ABCC1: variants seen among roughly 807,000 people sequenced by gnomAD.
ABCC1 encodes the protein multidrug resistance-associated protein 1.
Under a neutral mutation model 172.9 loss-of-function variants are expected in ABCC1, and 83 were observed. The observed-to-expected ratio is 0.48, with a 90% confidence interval of 0.40 to 0.58. The LOEUF (loss-of-function observed/expected upper bound fraction) is 0.58. Ranked by LOEUF, ABCC1 falls within the 20% of genes least tolerant of loss-of-function variation. The pLI is 0.00. For synonymous variants in ABCC1, 937 were observed against 825.2 expected, an observed-to-expected ratio of 1.14 and a Z score of -2.32; for missense variants, 1,817 against 2,002.7, an observed-to-expected ratio of 0.91 and a Z score of 1.77.
intron 20 of ABCC1, chr16:16,106,439 C>A: frequency 4.8e-5 from 8 of 167,486 alleles, no homozygotes; most frequent in Non-Finnish European, 5.8e-5. Context: ...AAAGCACGCA[C>A]TTTTTATATA....
chr16:16,057,514 A>G (rs2151919103), intron 12 of ABCC1, among the ~76,000 whole-genome samples: 1 of 151,784 alleles, frequency 6.6e-6, no homozygotes, highest in South Asian at 2.1e-4. Context: ...GCAGGTGCTG[A>G]ACAAATATTG....
intron 1 of ABCC1, among the ~76,000 whole-genome samples, chr16:15,993,150 C>T (rs1001398834): frequency 6.6e-6 from 1 of 152,162 alleles, no homozygotes; most frequent in South Asian, 2.1e-4. Context: ...ACAGAGATAT[C>T]GTTTCTGATT....
chr16:15,997,372 T>G (rs2151662005), intron 1 of ABCC1, among the ~76,000 whole-genome samples: 1 of 152,292 alleles, frequency 6.6e-6, no homozygotes, highest in East Asian at 1.9e-4. Context: ...ATTATAGGCG[T>G]GAGCCACCGC....
chr16:16,033,471 TA>T (rs2048628602), intron 6 of ABCC1, among the ~76,000 whole-genome samples: 1 of 152,208 alleles, frequency 6.6e-6, no homozygotes, highest in South Asian at 2.1e-4. Context: ...TTTGGGTTTT[TA>T]AAATATTAGG....
At chr16:16,111,671 G>T in intron 22 of ABCC1, 89 bp downstream of exon 22, 1 of 1,263,230 alleles carries the variant, frequency 7.9e-7, no homozygotes, top group Non-Finnish European at 1.1e-6. Flanking sequence ...AGTCCTCAGC[G>T]TTTTGTGGGA....
chr16:16,129,386 C>T (rs373401238), intron 26 of ABCC1, among the ~76,000 whole-genome samples: 2 of 152,038 alleles, frequency 1.3e-5, no homozygotes, highest in African/African-American at 4.8e-5. Context: ...CGGTGGCTCA[C>T]GCCTGTAATC....
intron 1 of ABCC1, among the ~76,000 whole-genome samples, chr16:15,971,485 A>G (rs1293321836): frequency 6.6e-6 from 1 of 152,186 alleles, no homozygotes; most frequent in East Asian, 1.9e-4. Context: ...TTTAAAAACC[A>G]AACATTTCCC....
chr16:16,024,784 G>T (rs2048315042), intron 5 of ABCC1, among the ~76,000 whole-genome samples: 1 of 152,284 alleles, frequency 6.6e-6, no homozygotes, highest in East Asian at 1.9e-4. Flanking sequence ...CATTGGACAT[G>T]GGGGTGAGGT....
chr16:16,041,978 T>G (rs2048994042), intron 7 of ABCC1, among the ~76,000 whole-genome samples: 1 of 152,056 alleles, frequency 6.6e-6, no homozygotes, highest in African/African-American at 2.4e-5. Context: ...TCACCTGTAA[T>G]CCAGCTACAG....
At chr16:15,967,360 C>T (rs2046266128) in intron 1 of ABCC1, among the ~76,000 whole-genome samples, 1 of 151,932 alleles carries the variant, frequency 6.6e-6, no homozygotes, top group African/African-American at 2.4e-5. Context: ...CTGGGTGAGT[C>T]TCTTGGACAA....
At chr16:16,027,036 G>T (rs1218038816) in intron 5 of ABCC1, among the ~76,000 whole-genome samples, 1 of 152,148 alleles carries the variant, frequency 6.6e-6, no homozygotes, top group African/African-American at 2.4e-5. Flanking sequence ...GGGAAGGTTA[G>T]GATTTGAGGG....
At chr16:16,025,648 GT>G (rs1424698858) in intron 5 of ABCC1, among the ~76,000 whole-genome samples, 2 of 152,152 alleles carry the variant, frequency 1.3e-5, no homozygotes, top group Admixed American at 1.3e-4. Context: ...CCCAGACAAG[GT>G]CCTTAAACTA....
chr16:16,033,048 G>C, intron 5 of ABCC1, 61 bp from the exon 6 acceptor site: 1 of 1,542,948 alleles, frequency 6.5e-7, no homozygotes, highest in Non-Finnish European at 9.0e-7. Context: ...CTCTGACCTG[G>C]ATGAAAAGTC....
intron 1 of ABCC1, among the ~76,000 whole-genome samples, chr16:15,986,392 G>A (rs2046744959): frequency 6.6e-6 from 1 of 152,190 alleles, no homozygotes; most frequent in Non-Finnish European, 1.5e-5. Context: ...TAGGAACTGA[G>A]TCATGCAACA....
chr16:16,059,469 A>G (rs141003474), intron 12 of ABCC1, among the ~76,000 whole-genome samples: 1 of 152,114 alleles, frequency 6.6e-6, no homozygotes, highest in East Asian at 1.9e-4. Flanking sequence ...TAGAATTTGC[A>G]TGTGTCATGT....
At chr16:16,077,301 T>A (rs2050613469) in intron 15 of ABCC1, among the ~76,000 whole-genome samples, 1 of 152,216 alleles carries the variant, frequency 6.6e-6, no homozygotes, top group Non-Finnish European at 1.5e-5. Context: ...GTAGAAGGCC[T>A]GCATTGAAAA....
intron 1 of ABCC1, among the ~76,000 whole-genome samples, chr16:16,000,292 G>A (rs780733809): frequency 2.6e-5 from 4 of 151,404 alleles, no homozygotes; most frequent in Admixed American, 6.6e-5. Context: ...GATTATAGGC[G>A]AGTTCACCAT....
intron 27 of ABCC1, among the ~76,000 whole-genome samples, chr16:16,132,595 C>T (rs2045745968): frequency 7.4e-6 from 1 of 134,246 alleles, no homozygotes; most frequent in Non-Finnish European, 1.5e-5. Context: ...GATCTCAGCT[C>T]ACTGCAACTT....
intron 1 of ABCC1, among the ~76,000 whole-genome samples, chr16:15,997,001 T>C (rs990283857): frequency 6.6e-6 from 1 of 151,964 alleles, no homozygotes; most frequent in Non-Finnish European, 1.5e-5. Context: ...GCTGAGGGCA[T>C]GGAGACACAA....
Sources: gnomAD v4.1 joint callset for allele counts (sites outside exome capture counted in the v4.1 genomes callset) on GRCh38, gnomAD v4.1.1 for gene constraint, MANE v1.5 for transcripts, NCBI Gene and HGNC (gene_info 2026-07-23, HGNC 2026-07-21) for gene names.